ASF1B: variants seen among roughly 807,000 people sequenced by gnomAD.
The protein encoded by ASF1B is histone chaperone ASF1B.
Under a neutral mutation model 16.6 loss-of-function variants are expected in ASF1B, and 10 were observed. The ratio of observed to expected loss-of-function variants is 0.60; its 90% CI spans 0.37 to 1.02. ASF1B has a LOEUF of 1.02. Ranked by LOEUF, ASF1B falls within the 50% of genes least tolerant of loss-of-function variation. The pLI is 0.01. For missense variants in ASF1B, 240 were observed against 266.0 expected (o/e 0.90, Z 0.68); for synonymous variants, 101 against 106.2 (o/e 0.95, Z 0.30).
chr19:14,131,374 G>T (rs1437168069), intron 1 of ASF1B, among the ~76,000 whole-genome samples: 1 of 150,874 alleles, frequency 6.6e-6, no homozygotes, highest in East Asian at 1.9e-4. Context: ...GTAGAGCCGG[G>T]GTTTCACCAC....
intron 1 of ASF1B, among the ~76,000 whole-genome samples, chr19:14,132,323 C>CAGCT (rs1967418504): frequency 6.6e-6 from 1 of 152,130 alleles, no homozygotes; most frequent in Non-Finnish European, 1.5e-5. Flanking sequence ...CCACCTCACA[C>CAGCT]AGCTGGGTTG....
In ASF1B at chr19:14,121,600, A is replaced by G. The variant is rs1967238280; in HGVS notation, c.334T>C (p.Tyr112His). 10 of 1,614,040 alleles carry G rather than the reference A, an allele frequency of 6.2e-6. No homozygotes were observed. Among genetic ancestry groups the G allele is most frequent in the Non-Finnish European group, 8.5e-6 (10 of 1,180,014 alleles). The change falls in exon 3 of 4, where the codon TAC becomes CAC. Residue 112 changes from tyrosine to histidine, a missense_variant. Transcript: ENST00000263382. ...GGGTTGAGGTACTCGTTGTTGACGT[A>G]GTAGCCCACTCGGATGAACTCCTGT... ...HGQEFIRVGY[Y>H]VNNEYLNPEL...
At chr19:14,134,176 A>C (rs1380791268) in intron 1 of ASF1B, among the ~76,000 whole-genome samples, 1 of 152,126 alleles carries the variant, frequency 6.6e-6, no homozygotes, top group African/African-American at 2.4e-5. Flanking sequence ...GGGAGCTGGG[A>C]ATCCCTCAAC....
At chr19:14,123,928 T>C (rs2144510891) in intron 2 of ASF1B, among the ~76,000 whole-genome samples, 1 of 151,770 alleles carries the variant, frequency 6.6e-6, no homozygotes, top group East Asian at 1.9e-4. Context: ...GTAGCTAGGA[T>C]AACAAATGTG....
At chr19:14,121,479 C>T (rs773136030) in intron 3 of ASF1B, 53 bp downstream of exon 3, 1 of 1,575,420 alleles carries the variant, frequency 6.3e-7, no homozygotes, top group Non-Finnish European at 8.7e-7. Flanking sequence ...CTGAACTCCC[C>T]CCAAGTATAA....
rs549601434 is a variant in ASF1B at position 14,120,642 on chromosome 19, C to T, written c.426G>A (p.Ser142=). Residue 142 remains serine, a synonymous_variant, in exon 4 of 4, where the codon TCG becomes TCA. Coordinates refer to ENST00000263382, the MANE Select transcript of ASF1B (RefSeq NM_018154.3). The stretch of plus-strand genomic sequence containing the variant: ...TATGGAAGCGGGTCACCCGGGGGTT[C>T]GAGGCCAAGATGTTCCGCTGGAGCT... The part of the protein sequence containing the change: ...FSQLQRNILA[S]NPRVTRFHIN... The T allele has an allele frequency of 1.2e-5, 20 of 1,613,962 alleles. No individual in the cohort carries two copies. The highest frequency in any genetic ancestry group is 6.7e-5 in the East Asian group (3 of 44,864).
chr19:14,123,232 T>C (rs1967266195), intron 2 of ASF1B, among the ~76,000 whole-genome samples: 1 of 152,002 alleles, frequency 6.6e-6, no homozygotes, highest in Non-Finnish European at 1.5e-5. Flanking sequence ...GTGGATTTAG[T>C]AGTGGTGGCT....
At chr19:14,128,010 G>T (rs562564932) in intron 1 of ASF1B, among the ~76,000 whole-genome samples, 33 of 152,346 alleles carry the variant, frequency 2.2e-4, no homozygotes, top group Non-Finnish European at 3.8e-4. Flanking sequence ...GAGATGAAAG[G>T]AAAGTGCTTA....
At chr19:14,123,382 T>C (rs900078814) in intron 2 of ASF1B, among the ~76,000 whole-genome samples, 28 of 144,876 alleles carry the variant, frequency 1.9e-4, no homozygotes, top group South Asian at 6.7e-4. Context: ...TTTCTTCTTT[T>C]TTTTTTTTTT....
Sources: allele counts gnomAD v4.1 joint callset (sites outside exome capture counted in the v4.1 genomes callset), GRCh38; gene constraint gnomAD v4.1.1; transcripts MANE v1.5; gene names NCBI Gene and HGNC (gene_info 2026-07-23, HGNC 2026-07-21).